Variants in ZMAT4 observed in about 807,000 individuals in gnomAD.
The protein encoded by ZMAT4 is zinc finger matrin-type protein 4.
In ZMAT4, 17 loss-of-function variants were observed where a neutral mutation model predicts 28.7. The ratio of observed to expected loss-of-function variants is 0.59; its 90% CI spans 0.41 to 0.89. The LOEUF (loss-of-function observed/expected upper bound fraction) is 0.89. Among genes scored for constraint, ZMAT4 ranks in the 40% least tolerant of loss-of-function variants. The pLI is 0.00. For missense variants in ZMAT4, 240 were observed against 283.8 expected (o/e 0.85, Z 1.11); for synonymous variants, 117 against 109.2 (o/e 1.07, Z -0.44).
At chr8:40,702,934 T>C (rs953809510) in intron 3 of ZMAT4, among the ~76,000 whole-genome samples, 2 of 152,056 alleles carry the variant, frequency 1.3e-5, no homozygotes, top group African/African-American at 4.8e-5. Context: ...TTGTCTAAAT[T>C]TGTGAATTCC....
intron 5 of ZMAT4, among the ~76,000 whole-genome samples, chr8:40,609,420 T>C (rs1805714910): frequency 6.6e-6 from 1 of 152,122 alleles, no homozygotes; most frequent in Non-Finnish European, 1.5e-5. Context: ...AGGCTCCCTC[T>C]ACCCATTGTC....
chr8:40,707,365 T>C (rs1360648374), intron 3 of ZMAT4, among the ~76,000 whole-genome samples: 1 of 152,138 alleles, frequency 6.6e-6, no homozygotes, highest in African/African-American at 2.4e-5. Flanking sequence ...GAATATTAAG[T>C]TTAAAAGAGC....
At chr8:40,544,958 C>T (rs140994535) in intron 6 of ZMAT4, among the ~76,000 whole-genome samples, 1 of 152,066 alleles carries the variant, frequency 6.6e-6, no homozygotes, top group African/African-American at 2.4e-5. Context: ...GCATATGAAT[C>T]GTATTATTAT....
chr8:40,532,002 T>G lies in ZMAT4; in HGVS notation c.*221A>C, dbSNP rs1802706272. ...ATGTTATCAGGAAAGAATTTAAAAA[T>G]CCATCCAAATATCATAACTTACCCC... is the stretch of plus-strand genomic sequence containing the variant. On this transcript the variant is annotated 3_prime_UTR_variant, in exon 7 of 7. Transcript: ENST00000297737. The G allele has an allele frequency of 5.2e-6, 2 of 387,386 alleles. No homozygotes were observed. Among genetic ancestry groups the G allele is most frequent in the Non-Finnish European group, 9.1e-6 (2 of 219,586 alleles). 24.0% of individuals were successfully genotyped at this position (387,386 alleles called of 1,614,324 possible).
At chr8:40,725,502 G>A (rs1185087464) in intron 3 of ZMAT4, among the ~76,000 whole-genome samples, 1 of 152,114 alleles carries the variant, frequency 6.6e-6, no homozygotes, top group Non-Finnish European at 1.5e-5. Flanking sequence ...GTTTGGAATG[G>A]GCTTCAAAGC....
rs76904908 is a variant in ZMAT4, at chr8:40,582,482, T to C, written c.578-1221A>G. Among the ~76,000 whole-genome samples the C allele has an allele frequency of 4.6e-5, 7 of 152,096 alleles. No homozygotes were observed. The East Asian group carries it at 1.4e-3, about 29-fold the overall frequency. On this transcript the variant is annotated intron_variant, in intron 5 of 6. Transcript: ENST00000297737. The stretch of plus-strand genomic sequence containing the variant: ...ACAGCCTGGATGACAGAGTGAGGCC[T>C]TGTCTCAAAAAAAAAAAGTGACATA...
intron 2 of ZMAT4, among the ~76,000 whole-genome samples, chr8:40,812,738 C>G (rs1257103456): frequency 6.6e-6 from 1 of 152,078 alleles, no homozygotes; most frequent in African/African-American, 2.4e-5. Flanking sequence ...TGAGACCAGC[C>G]TGGCCAACAT....
chr8:40,747,498 TC>T (rs1325501228), intron 3 of ZMAT4, among the ~76,000 whole-genome samples: 1 of 148,276 alleles, frequency 6.7e-6, no homozygotes, highest in Non-Finnish European at 1.5e-5. Flanking sequence ...CTCTATTTCT[TC>T]CCTTTCTCCC....
intron 2 of ZMAT4, among the ~76,000 whole-genome samples, chr8:40,809,617 CA>C (rs1000979467): frequency 1.3e-5 from 2 of 152,166 alleles, no homozygotes; most frequent in African/African-American, 4.8e-5. Flanking sequence ...TCAAATCACA[CA>C]ACAATTATGT....
At chr8:40,869,785 A>G (rs1325352036) in intron 1 of ZMAT4, among the ~76,000 whole-genome samples, 1 of 152,200 alleles carries the variant, frequency 6.6e-6, no homozygotes, top group Non-Finnish European at 1.5e-5. Flanking sequence ...AGAACGATGC[A>G]TGACCACTCA....
intron 5 of ZMAT4, among the ~76,000 whole-genome samples, chr8:40,648,575 G>A (rs1391960866): frequency 4.2e-5 from 5 of 119,274 alleles, no homozygotes; most frequent in African/African-American, 1.2e-4. Context: ...TACAGAGAAC[G>A]CCACAAAGAT....
At chr8:40,619,076 G>A (rs1253492346) in intron 5 of ZMAT4, among the ~76,000 whole-genome samples, 2 of 152,162 alleles carry the variant, frequency 1.3e-5, no homozygotes, top group Admixed American at 6.5e-5. Context: ...AATTCCTGAC[G>A]CATCATTGGT....
intron 5 of ZMAT4, among the ~76,000 whole-genome samples, chr8:40,658,483 A>G (rs184078290): frequency 1.4e-4 from 21 of 152,104 alleles, no homozygotes; most frequent in African/African-American, 5.1e-4. Flanking sequence ...GGGATGGGGC[A>G]TGGGGGGTTG....
chr8:40,568,567 T>C (rs559915174), intron 6 of ZMAT4, among the ~76,000 whole-genome samples: 3 of 152,286 alleles, frequency 2.0e-5, no homozygotes, highest in Non-Finnish European at 4.4e-5. Context: ...GGGTTACACC[T>C]CAACATTCAT....
chr8:40,748,255 G>T (rs1812319784), intron 3 of ZMAT4, among the ~76,000 whole-genome samples: 1 of 152,188 alleles, frequency 6.6e-6, no homozygotes, highest in South Asian at 2.1e-4. Flanking sequence ...AAACTATTTT[G>T]CTATACGGAG....
intron 6 of ZMAT4, among the ~76,000 whole-genome samples, chr8:40,533,007 G>T (rs765756154): frequency 2.6e-5 from 4 of 151,898 alleles, no homozygotes; most frequent in Admixed American, 6.6e-5. Flanking sequence ...ATTCTTTCTG[G>T]CCTTACTTGC....
rs1156369306 is a variant in ZMAT4, at chr8:40,581,269, C to T, written c.578-8G>A. ...TGTAATTGCGCCTCAGACCTGTGGACAACAGACAGACCTGGTTAGCTGCAT... is the reference window on the plus strand; with the variant it reads ...TGTAATTGCGCCTCAGACCTGTGGATAACAGACAGACCTGGTTAGCTGCAT... On this transcript the variant is annotated splice_region_variant and splice_polypyrimidine_tract_variant and intron_variant, in intron 5 of 6. Transcript: ENST00000297737. 3.1e-6 allele frequency: 5 copies of T among 1,611,670 alleles called. No individual in the cohort carries two copies. In the South Asian group the frequency reaches 5.5e-5, roughly 18 times the overall value.
chr8:40,640,123 T>C (rs1378708810), intron 5 of ZMAT4, among the ~76,000 whole-genome samples: 1 of 152,110 alleles, frequency 6.6e-6, no homozygotes, highest in Non-Finnish European at 1.5e-5. Flanking sequence ...ACTACAGGTG[T>C]GCATCACCAA....
At chr8:40,862,820 A>G (rs565402180) in intron 1 of ZMAT4, among the ~76,000 whole-genome samples, 53 of 150,402 alleles carry the variant, frequency 3.5e-4, no homozygotes, top group Middle Eastern at 3.4e-3. Flanking sequence ...GGGGCCTGTC[A>G]TGCGGTGGGG....
Sources: gnomAD v4.1 joint callset for allele counts (sites outside exome capture counted in the v4.1 genomes callset) on GRCh38, gnomAD v4.1.1 for gene constraint, MANE v1.5 for transcripts, NCBI Gene and HGNC (gene_info 2026-07-23, HGNC 2026-07-21) for gene names.